Variants in PTPRZ1 observed in about 807,000 individuals in gnomAD.
PTPRZ1 encodes receptor-type tyrosine-protein phosphatase zeta.
A neutral mutation model predicts 214.1 loss-of-function variants in PTPRZ1; 82 were observed. That is an observed-to-expected ratio of 0.38 (90% confidence interval 0.32 to 0.46). The LOEUF (loss-of-function observed/expected upper bound fraction) is 0.46, where lower values mean the gene tolerates loss of function less well. Among genes scored for constraint, PTPRZ1 ranks in the 20% least tolerant of loss-of-function variants. The pLI, the probability that PTPRZ1 is intolerant of heterozygous loss-of-function variation, is 1.00. For synonymous variants in PTPRZ1, 945 were observed against 987.9 expected (o/e 0.96, Z 0.81); for missense variants, 2,603 against 2,748.7 (o/e 0.95, Z 1.19).
chr7:121,992,755 T>G (rs917252026), intron 8 of PTPRZ1, among the ~76,000 whole-genome samples: 2 of 152,208 alleles, frequency 1.3e-5, no homozygotes, highest in African/African-American at 2.4e-5. Context: ...TTCTTCTGTA[T>G]GTCTAGAGTG....
chr7:121,930,890 G>T (rs1440400773), intron 2 of PTPRZ1, among the ~76,000 whole-genome samples: 6 of 152,066 alleles, frequency 3.9e-5, no homozygotes, highest in Non-Finnish European at 8.8e-5. Flanking sequence ...AACATGTCAG[G>T]AGGGACTAAG....
intron 13 of PTPRZ1, among the ~76,000 whole-genome samples, chr7:122,019,531 C>G (rs2116684960): frequency 6.6e-6 from 1 of 152,240 alleles, no homozygotes; most frequent in South Asian, 2.1e-4. Flanking sequence ...TCATGTTAAT[C>G]TAATTAATAG....
intron 15 of PTPRZ1, 62 bp downstream of exon 15, chr7:122,031,621 C>G: frequency 8.3e-7 from 1 of 1,207,330 alleles, no homozygotes; most frequent in Non-Finnish European, 1.2e-6. Flanking sequence ...AAAGATTCAG[C>G]AATAGGCTAT....
At chr7:122,051,723 T>C in intron 24 of PTPRZ1, 143 bp from the exon 25 acceptor site, 1 of 889,142 alleles carries the variant, frequency 1.1e-6, no homozygotes, top group Non-Finnish European at 1.8e-6. Flanking sequence ...AAAATTAGCT[T>C]ACAGATCAGA....
At chr7:122,031,442 T>C in intron 14 of PTPRZ1, 32 bp from the exon 15 acceptor site, 2 of 1,489,110 alleles carry the variant, frequency 1.3e-6, no homozygotes, top group Non-Finnish European at 1.9e-6. Context: ...TGTTAAATTA[T>C]GCTCTCTAAC....
chr7:121,955,209 T>C (rs566019819), intron 2 of PTPRZ1, among the ~76,000 whole-genome samples: 114 of 152,296 alleles, frequency 7.5e-4, no homozygotes, highest in African/African-American at 2.5e-3. Flanking sequence ...ATAATAAGCA[T>C]CGAGTACAGC....
chr7:121,907,962 G>A (rs764428493), intron 1 of PTPRZ1, among the ~76,000 whole-genome samples: 13 of 151,970 alleles, frequency 8.6e-5, no homozygotes, highest in African/African-American at 2.4e-5. Flanking sequence ...CTATCCAACT[G>A]CAAAATAATA....
chr7:122,044,692 A>T (rs1799831114), intron 23 of PTPRZ1, 124 bp downstream of exon 23: 2 of 1,010,702 alleles, frequency 2.0e-6, no homozygotes, highest in South Asian at 3.4e-5. Context: ...TATTTGAGCC[A>T]TCGTTGTTCC....
intron 1 of PTPRZ1, 148 bp downstream of exon 1, chr7:121,873,705 G>T: frequency 1.0e-6 from 1 of 989,906 alleles, no homozygotes; most frequent in South Asian, 1.5e-5. Context: ...CGGAGCGGGC[G>T]GCCGCGCGGT....
In PTPRZ1 at chr7:121,976,814, A is replaced by G. The variant is rs750891800; in HGVS notation, c.582A>G (p.Lys194=). Residue 194 remains lysine (K), a synonymous_variant, in exon 6 of 30, where the codon AAA becomes AAG. Transcript: ENST00000393386. ...EVGTEENLDF[K]AIIDGVESVS... is the part of the protein sequence containing the mutation. ...GGACAGAAGAAAATTTGGATTTCAA[A>G]GCGATTATTGATGGAGTCGAAAGTG... 2 of 1,611,328 alleles carry G rather than the reference A, an allele frequency of 1.2e-6. No homozygotes were observed. Among genetic ancestry groups the G allele is most frequent in the South Asian group, 1.1e-5 (1 of 90,666 alleles).
intron 1 of PTPRZ1, among the ~76,000 whole-genome samples, chr7:121,887,753 G>A (rs1441135627): frequency 6.6e-6 from 1 of 152,012 alleles, no homozygotes; most frequent in African/African-American, 2.4e-5. Context: ...TCTACTTTTT[G>A]GCCTGCACAG....
chr7:121,918,120 C>G (rs1383610704), intron 1 of PTPRZ1, among the ~76,000 whole-genome samples: 2 of 152,012 alleles, frequency 1.3e-5, no homozygotes, highest in African/African-American at 2.4e-5. Flanking sequence ...TCAAGAAACT[C>G]TGCCTTGTCC....
At chr7:121,987,384 C>T (rs1797789981) in intron 8 of PTPRZ1, among the ~76,000 whole-genome samples, 1 of 152,144 alleles carries the variant, frequency 6.6e-6, no homozygotes, top group Admixed American at 6.5e-5. Context: ...AAAAAAGGCC[C>T]TTTTTGGTAG....
chr7:122,027,449 GA>G (rs1288208604), intron 13 of PTPRZ1, among the ~76,000 whole-genome samples: 2 of 152,016 alleles, frequency 1.3e-5, no homozygotes, highest in African/African-American at 4.8e-5. Flanking sequence ...TAATTTACTA[GA>G]AAAAAATAAA....
chr7:121,934,035 A>C (rs79496194), intron 2 of PTPRZ1, among the ~76,000 whole-genome samples: 3,873 of 152,212 alleles, frequency 0.025, 93 homozygotes, highest in African/African-American at 0.056. Flanking sequence ...CATAGATGAA[A>C]GGCTGGAATG....
At chr7:121,907,464 CT>C (rs1795150281) in intron 1 of PTPRZ1, among the ~76,000 whole-genome samples, 1 of 151,788 alleles carries the variant, frequency 6.6e-6, no homozygotes, top group Non-Finnish European at 1.5e-5. Context: ...TATACTAATG[CT>C]TTTTACCATT....
At chr7:121,923,040 G>C (rs1476158353) in intron 1 of PTPRZ1, among the ~76,000 whole-genome samples, 1 of 152,200 alleles carries the variant, frequency 6.6e-6, no homozygotes, top group Non-Finnish European at 1.5e-5. Flanking sequence ...AAGATGGATA[G>C]TGATCTGTCA....
chr7:122,004,489 G>A, intron 10 of PTPRZ1, 125 bp from the exon 11 acceptor site: 1 of 583,944 alleles, frequency 1.7e-6, no homozygotes, highest in East Asian at 3.4e-5. Flanking sequence ...GAGAAAGTCT[G>A]TATTTTCAAA....
intron 12 of PTPRZ1, among the ~76,000 whole-genome samples, chr7:122,017,129 A>C (rs1052781532): frequency 3.3e-5 from 5 of 152,182 alleles, no homozygotes; most frequent in Admixed American, 3.3e-4. Context: ...GAATGTTTTC[A>C]TTTATTACTG....
Sources: gnomAD v4.1 joint callset for allele counts (sites outside exome capture counted in the v4.1 genomes callset) on GRCh38, gnomAD v4.1.1 for gene constraint, MANE v1.5 for transcripts, NCBI Gene and HGNC (gene_info 2026-07-23, HGNC 2026-07-21) for gene names.